The following LHX8 variants were observed in gnomAD, a reference collection of about 807,000 sequenced individuals.
The protein encoded by LHX8 is LIM/homeobox protein Lhx8.
LHX8 carries 12 observed loss-of-function variants against 40.3 expected under a neutral mutation model. The ratio of observed to expected loss-of-function variants is 0.30; its 90% CI spans 0.19 to 0.48. LHX8 has a LOEUF of 0.48. Among genes scored for constraint, LHX8 ranks in the 20% least tolerant of loss-of-function variants. The probability of loss-of-function intolerance (pLI) is 0.99; values close to 1 mark genes in which losing one functional copy is unlikely to be tolerated. For synonymous variants in LHX8, 179 were observed against 162.0 expected (o/e 1.10, Z -0.80); for missense variants, 344 against 433.7 (o/e 0.79, Z 1.84).
In LHX8 at chr1:75,152,189, T is replaced by C. The variant is rs772763962; in HGVS notation, c.780+3507T>C. On this transcript the variant is annotated intron_variant, in intron 7 of 8. Coordinates refer to ENST00000356261, the MANE Select transcript of LHX8 (RefSeq NM_001256114.2). ...GAAAGGTAAGAAAAAAGAGTTTTTA[T>C]TACTAGACTTCTTCTAATATGCAAA... is the stretch of plus-strand genomic sequence containing the variant. Among the ~76,000 whole-genome samples, 6 of 152,210 alleles carry C rather than the reference T, an allele frequency of 3.9e-5. No homozygotes were observed. In the South Asian group the frequency reaches 6.2e-4, roughly 16 times the overall value.
chr1:75,140,499 C>CT (rs1648282149), intron 3 of LHX8, among the ~76,000 whole-genome samples: 3 of 152,124 alleles, frequency 2.0e-5, no homozygotes, highest in Admixed American at 2.0e-4. Context: ...TGCATTTTCA[C>CT]TTTCTTTATT....
chr1:75,148,555 G>A (rs1648523588), intron 6 of LHX8, 32 bp from the exon 7 acceptor site: 1 of 1,464,202 alleles, frequency 6.8e-7, no homozygotes, highest in African/African-American at 1.4e-5. Flanking sequence ...CTTGTTTTTA[G>A]CTATTTACTA....
upstream of LHX8, chr1:75,132,460 C>A (rs560317352): frequency 6.6e-6 from 1 of 152,262 alleles, no homozygotes; most frequent in Non-Finnish European, 1.5e-5. Context: ...CAATCTTTCA[C>A]GTCTTCTGCT....
chr1:75,195,854 C>A, the LHX8 span, among the ~76,000 whole-genome samples: 1 of 151,932 alleles, frequency 6.6e-6, no homozygotes, highest in Non-Finnish European at 1.5e-5. Context: ...TTCCCTATAC[C>A]TACTTTCAAT....
chr1:75,190,247 T>A, the LHX8 span, among the ~76,000 whole-genome samples: 2 of 152,142 alleles, frequency 1.3e-5, no homozygotes, highest in East Asian at 3.9e-4. Context: ...CTGAAAAAAC[T>A]TTTTTCTTTA....
chr1:75,175,816 T>TC, the LHX8 span, among the ~76,000 whole-genome samples: 4 of 152,192 alleles, frequency 2.6e-5, no homozygotes, highest in South Asian at 2.1e-4. Context: ...ATGCTATCCC[T>TC]CCCCCATTCC....
chr1:75,158,859 T>G (rs951359551), intron 8 of LHX8, among the ~76,000 whole-genome samples: 1 of 152,180 alleles, frequency 6.6e-6, no homozygotes, highest in Non-Finnish European at 1.5e-5. Flanking sequence ...CCTACTTGTC[T>G]ATTTCTACCC....
chr1:75,163,560 A>C (rs1314548566), downstream of LHX8, among the ~76,000 whole-genome samples: 1 of 152,158 alleles, frequency 6.6e-6, no homozygotes, highest in Non-Finnish European at 1.5e-5. Context: ...ACTCTTTTGA[A>C]ACACAACTAA....
the LHX8 span, among the ~76,000 whole-genome samples, chr1:75,186,708 C>A: frequency 6.6e-6 from 1 of 152,122 alleles, no homozygotes; most frequent in African/African-American, 2.4e-5. Context: ...GCTTCCAAGG[C>A]AGCTTTGAAA....
the LHX8 span, among the ~76,000 whole-genome samples, chr1:75,195,703 A>G: frequency 4.6e-5 from 7 of 151,910 alleles, no homozygotes; most frequent in Non-Finnish European, 7.4e-5. Flanking sequence ...GCCCATCCCA[A>G]TGGTGCACAA....
the LHX8 span, among the ~76,000 whole-genome samples, chr1:75,196,225 T>A: frequency 6.6e-6 from 1 of 152,250 alleles, no homozygotes; most frequent in South Asian, 2.1e-4. Flanking sequence ...AGCACTATTG[T>A]CAATATTCTG....
chr1:75,177,331 G>T, the LHX8 span, among the ~76,000 whole-genome samples: 1 of 152,112 alleles, frequency 6.6e-6, no homozygotes, highest in Non-Finnish European at 1.5e-5. Context: ...CCATTTGTTT[G>T]TGTCTTCTTT....
the LHX8 span, among the ~76,000 whole-genome samples, chr1:75,194,797 T>A: frequency 6.6e-6 from 1 of 152,200 alleles, no homozygotes; most frequent in Non-Finnish European, 1.5e-5. Flanking sequence ...TTGATGAGGT[T>A]AGATAAAGAT....
At chr1:75,130,425 G>A, upstream of LHX8, 1 of 547,490 alleles carries the variant, frequency 1.8e-6, no homozygotes, top group Non-Finnish European at 3.3e-6. Context: ...AATGCCGCGG[G>A]GCGGGTGGCG....
intron 3 of LHX8, 116 bp from the exon 4 acceptor site, chr1:75,140,869 C>T: frequency 1.1e-6 from 1 of 940,276 alleles, no homozygotes; most frequent in Non-Finnish European, 1.7e-6. Context: ...TGGATGAAAA[C>T]ATTCAGAGCA....
intron 7 of LHX8, among the ~76,000 whole-genome samples, chr1:75,154,714 A>G (rs1011840345): frequency 6.6e-6 from 1 of 152,080 alleles, no homozygotes; most frequent in African/African-American, 2.4e-5. Flanking sequence ...GGTGTGGTCT[A>G]TAGGTATCTC....
chr1:75,169,161 C>T, the LHX8 span, among the ~76,000 whole-genome samples: 8 of 152,278 alleles, frequency 5.3e-5, no homozygotes, highest in African/African-American at 1.9e-4. Flanking sequence ...CTCCTACCCT[C>T]TCCCCTACTC....
rs145947312 is a variant in LHX8, at chr1:75,152,061, A to G, written c.780+3379A>G. Among the ~76,000 whole-genome samples, 11 of 152,342 alleles carry G rather than the reference A, an allele frequency of 7.2e-5. No homozygotes were observed. The East Asian group carries it at 1.2e-3, about 16-fold the overall frequency. On this transcript the variant is annotated intron_variant, in intron 7 of 8. Coordinates refer to ENST00000356261, the MANE Select transcript of LHX8 (RefSeq NM_001256114.2). Reference sequence around the variant, plus strand: ...ATTTGTATCTATACATAGGCTCACTATATGTTGTAGCCCTTCAGAGTATTT... The same window carrying G: ...ATTTGTATCTATACATAGGCTCACTGTATGTTGTAGCCCTTCAGAGTATTT...
the LHX8 span, among the ~76,000 whole-genome samples, chr1:75,195,853 C>A: frequency 6.6e-6 from 1 of 152,078 alleles, no homozygotes; most frequent in South Asian, 2.1e-4. Flanking sequence ...ATTCCCTATA[C>A]CTACTTTCAA....
Sources: gnomAD v4.1 joint callset for allele counts (sites outside exome capture counted in the v4.1 genomes callset) on GRCh38, gnomAD v4.1.1 for gene constraint, MANE v1.5 for transcripts, NCBI Gene and HGNC (gene_info 2026-07-23, HGNC 2026-07-21) for gene names.